ZBBX: variants seen among roughly 807,000 people sequenced by gnomAD.
ZBBX encodes zinc finger B-box domain containing, also known as zinc finger B-box domain-containing protein 1.
ZBBX carries 101 observed loss-of-function variants against 108.5 expected under a neutral mutation model. That is an observed-to-expected ratio of 0.93 (90% confidence interval 0.79 to 1.10). The LOEUF (loss-of-function observed/expected upper bound fraction) is 1.10, where lower values mean the gene tolerates loss of function less well. Among genes scored for constraint, ZBBX ranks in the 50% least tolerant of loss-of-function variants. ZBBX has a pLI of 0.00. For missense variants in ZBBX, 1,009 were observed against 941.4 expected (o/e 1.07, Z -0.94); for synonymous variants, 356 against 323.4 (o/e 1.10, Z -1.08).
the ZBBX span, among the ~76,000 whole-genome samples, chr3:167,179,371 G>T: frequency 6.6e-6 from 1 of 152,232 alleles, no homozygotes; most frequent in African/African-American, 2.4e-5. Flanking sequence ...CATTAGCATG[G>T]GCTAAATTGT....
chr3:167,375,456 G>T (rs928829941), intron 2 of ZBBX, among the ~76,000 whole-genome samples: 2 of 152,008 alleles, frequency 1.3e-5, no homozygotes, highest in African/African-American at 4.8e-5. Context: ...GCCAGGCGTG[G>T]TGGCATACAC....
At chr3:167,231,836 A>G in the ZBBX span, among the ~76,000 whole-genome samples, 1 of 151,840 alleles carries the variant, frequency 6.6e-6, no homozygotes, top group South Asian at 2.1e-4. Flanking sequence ...TAAACTTTGT[A>G]CAGTTGGAAT....
At chr3:167,393,827 G>A (rs1748150618) in intron 1 of ZBBX, among the ~76,000 whole-genome samples, 1 of 151,796 alleles carries the variant, frequency 6.6e-6, no homozygotes. Flanking sequence ...AAGAGCTAAA[G>A]CCGCGTAACC....
At chr3:167,248,765 C>G (rs1722044892) in intron 20 of ZBBX, 1 of 411,962 alleles carries the variant, frequency 2.4e-6, no homozygotes, top group African/African-American at 2.0e-5. Context: ...GGCCATGCTT[C>G]ATGGCATAAA....
Position 167,266,950 on chromosome 3 carries a change from C to T in ZBBX, c.2254+15288G>A, listed in dbSNP as rs768778586. The stretch of plus-strand genomic sequence containing the variant: ...ACCCACCCAGTGTGATGAATAAACC[C>T]GGCCTCTCAGCAACCCGGGAAAGGA... On this transcript the variant is annotated intron_variant, in intron 20 of 21. Coordinates refer to ENST00000675490, the MANE Select transcript of ZBBX (RefSeq NM_001199201.2). Among the ~76,000 whole-genome samples the T allele has an allele frequency of 6.6e-5, 10 of 152,094 alleles. No individual in the cohort carries two copies. The South Asian group carries it at 1.7e-3, about 25-fold the overall frequency.
At chr3:167,308,053 C>G (rs6785456) in intron 16 of ZBBX, among the ~76,000 whole-genome samples, 2,979 of 152,174 alleles carry the variant, frequency 0.02, 110 homozygotes, top group African/African-American at 0.069. Context: ...AAAACTTTTG[C>G]AAACCATGAA....
chr3:167,236,132 C>T (rs1054638830), downstream of ZBBX, among the ~76,000 whole-genome samples: 3 of 151,686 alleles, frequency 2.0e-5, no homozygotes, highest in African/African-American at 7.2e-5. Context: ...GTATTTAAAA[C>T]AGCTTTGAAT....
chr3:167,319,632 G>C (rs943628349), intron 12 of ZBBX, among the ~76,000 whole-genome samples: 6 of 151,924 alleles, frequency 3.9e-5, no homozygotes, highest in Non-Finnish European at 7.4e-5. Context: ...AGATACCGTA[G>C]GCTACAGATA....
chr3:167,204,062 T>C, the ZBBX span, among the ~76,000 whole-genome samples: 5 of 152,288 alleles, frequency 3.3e-5, no homozygotes, highest in East Asian at 7.7e-4. Flanking sequence ...CTGAATTTAG[T>C]TCAAGGAATT....
chr3:167,335,488 T>A (rs4955606), intron 9 of ZBBX, among the ~76,000 whole-genome samples: 49,238 of 151,808 alleles, frequency 0.32, 9,299 homozygotes, highest in Non-Finnish European at 0.43. Context: ...AATCGTCAGA[T>A]GCTCTGTGAG....
chr3:167,196,879 A>C, the ZBBX span, among the ~76,000 whole-genome samples: 1 of 152,190 alleles, frequency 6.6e-6, no homozygotes, highest in Admixed American at 6.5e-5. Context: ...ATATTATCGA[A>C]TTCATTCAAC....
intron 20 of ZBBX, among the ~76,000 whole-genome samples, chr3:167,247,002 G>A (rs745738433): frequency 1.3e-5 from 2 of 152,106 alleles, no homozygotes; most frequent in East Asian, 1.9e-4. Context: ...ACGGAAGTAC[G>A]GCAGGGAAGT....
intron 16 of ZBBX, among the ~76,000 whole-genome samples, chr3:167,313,495 C>T (rs993527785): frequency 1.6e-4 from 24 of 151,790 alleles, no homozygotes; most frequent in African/African-American, 5.1e-4. Context: ...GTTGGCCAGG[C>T]TGGTCTCAAA....
the ZBBX span, among the ~76,000 whole-genome samples, chr3:167,218,926 G>C: frequency 6.6e-6 from 1 of 151,838 alleles, no homozygotes; most frequent in African/African-American, 2.4e-5. Flanking sequence ...AAAAATCAAC[G>C]TATGGAGAAA....
intron 20 of ZBBX, among the ~76,000 whole-genome samples, chr3:167,278,697 C>T (rs1326653959): frequency 1.3e-5 from 2 of 151,526 alleles, no homozygotes; most frequent in Non-Finnish European, 2.9e-5. Flanking sequence ...ACCATTCCTT[C>T]TGAAACTACT....
intron 6 of ZBBX, among the ~76,000 whole-genome samples, chr3:167,362,181 T>C (rs1744632093): frequency 6.6e-6 from 1 of 152,136 alleles, no homozygotes; most frequent in Non-Finnish European, 1.5e-5. Context: ...AATACATGCA[T>C]ATGTATATAT....
At chr3:167,180,572 C>T in the ZBBX span, among the ~76,000 whole-genome samples, 3 of 152,266 alleles carry the variant, frequency 2.0e-5, no homozygotes, top group Admixed American at 6.5e-5. Flanking sequence ...CAAAGTATAT[C>T]CTCCATATAA....
the ZBBX span, among the ~76,000 whole-genome samples, chr3:167,180,569 T>C: frequency 6.6e-6 from 1 of 152,202 alleles, no homozygotes; most frequent in East Asian, 1.9e-4. Context: ...GCACAAAGTA[T>C]ATCCTCCATA....
At chr3:167,406,093 T>A (rs1748576371) in intron 1 of ZBBX, among the ~76,000 whole-genome samples, 1 of 152,114 alleles carries the variant, frequency 6.6e-6, no homozygotes, top group Admixed American at 6.6e-5. Context: ...TCTTCCCAAA[T>A]AGATTATTGT....
Sources: allele counts gnomAD v4.1 joint callset (sites outside exome capture counted in the v4.1 genomes callset), GRCh38; gene constraint gnomAD v4.1.1; transcripts MANE v1.5; gene names NCBI Gene and HGNC (gene_info 2026-07-23, HGNC 2026-07-21).